PHF20L1: variants seen among roughly 807,000 people sequenced by gnomAD.
PHF20L1 encodes the protein PHD finger protein 20-like protein 1.
PHF20L1 carries 44 observed loss-of-function variants against 125.5 expected under a neutral mutation model. The ratio of observed to expected loss-of-function variants is 0.35; its 90% confidence interval spans 0.28 to 0.45. The LOEUF is 0.45. Ranked by LOEUF, PHF20L1 falls within the 20% of genes least tolerant of loss-of-function variation. The probability of loss-of-function intolerance (pLI) is 1.00; values close to 1 mark genes in which losing one functional copy is unlikely to be tolerated. For missense variants in PHF20L1, 1,012 were observed against 1,217.2 expected (o/e 0.83, Z 2.51); for synonymous variants, 380 against 403.1 (o/e 0.94, Z 0.69).
chr8:132,823,009 A>C (rs1302807431), intron 12 of PHF20L1, among the ~76,000 whole-genome samples: 1 of 152,010 alleles, frequency 6.6e-6, no homozygotes, highest in African/African-American at 2.4e-5. Context: ...GAATGGTTGA[A>C]TATGAATTGA....
In PHF20L1 at chr8:132,794,538, C is replaced by A. The variant is rs772721566; in HGVS notation, c.212C>A (p.Pro71Gln). The A allele has an allele frequency of 6.2e-7, 1 of 1,611,998 alleles. No individual in the cohort carries two copies. The highest frequency in any genetic ancestry group is 8.5e-7 in the Non-Finnish European group (1 of 1,178,596). Reference protein sequence around the residue: ...DSNRLRPLERPALRKEGLKDE... With the variant: ...DSNRLRPLERQALRKEGLKDE... Reference sequence around the variant, plus strand: ...AATAGATTGCGACCCCTTGAGAGACCAGCACTAAGAAAAGAAGGGCTAAAA... The same window carrying A: ...AATAGATTGCGACCCCTTGAGAGACAAGCACTAAGAAAAGAAGGGCTAAAA... Residue 71 changes from proline to glutamine, a missense_variant, in exon 3 of 21, where the codon CCA (proline) becomes CAA (glutamine). Transcript: ENST00000395386.
rs573369269 is a variant in PHF20L1, at chr8:132,847,625, A to T, written c.*1702A>T. 6.6e-6 allele frequency: 1 copy of T among 152,562 alleles called. No individual in the cohort carries two copies. The highest frequency in any genetic ancestry group is 1.5e-5 in the Non-Finnish European group (1 of 67,976). 9.5% of individuals were successfully genotyped at this position (152,562 alleles called of 1,614,324 possible). On this transcript the variant is annotated 3_prime_UTR_variant, in exon 21 of 21. Coordinates refer to ENST00000395386, the MANE Select transcript of PHF20L1 (RefSeq NM_016018.5). ...TGCCTTTTTGCGGCCTTATATTTTG[A>T]TGTAAAGATTAAAAGAATGTGCAAA...
chr8:132,824,156 C>CTTAGGTGTAAGTGATCATCTG (rs1206672049), intron 13 of PHF20L1, 96 bp downstream of exon 13: 3 of 717,194 alleles, frequency 4.2e-6, no homozygotes, highest in Non-Finnish European at 7.2e-6. Context: ...TTAATGCTAC[C>CTTAGGTGTAAGTGATCATCTG]TTAGGTGTAA....
chr8:132,844,421 C>A, intron 20 of PHF20L1, 103 bp downstream of exon 20: 1 of 810,546 alleles, frequency 1.2e-6, no homozygotes, highest in Non-Finnish European at 1.9e-6. Context: ...ACTGCAGATA[C>A]TCTCCATACC....
At chr8:132,833,411 C>T (rs1001149991) in intron 15 of PHF20L1, among the ~76,000 whole-genome samples, 8 of 152,020 alleles carry the variant, frequency 5.3e-5, no homozygotes, top group Non-Finnish European at 1.0e-4. Flanking sequence ...AAAGAAGTTA[C>T]CACCACCCTT....
intron 2 of PHF20L1, among the ~76,000 whole-genome samples, chr8:132,789,803 C>T (rs549269207): frequency 9.9e-5 from 15 of 152,184 alleles, no homozygotes; most frequent in African/African-American, 3.4e-4. Context: ...TGGTATATTG[C>T]AGTAATATTT....
intron 14 of PHF20L1, among the ~76,000 whole-genome samples, chr8:132,830,351 G>A (rs919622554): frequency 1.3e-4 from 20 of 152,014 alleles, no homozygotes; most frequent in African/African-American, 4.1e-4. Flanking sequence ...GAGGTCAGCC[G>A]ATTAGCAACC....
chr8:132,776,137 C>T (rs966897046), intron 1 of PHF20L1, among the ~76,000 whole-genome samples: 1 of 152,180 alleles, frequency 6.6e-6, no homozygotes, highest in African/African-American at 2.4e-5. Flanking sequence ...AAGTTTTACT[C>T]CCAGTAGACT....
At chr8:132,789,078 A>C (rs959416032) in intron 2 of PHF20L1, 2 of 152,202 alleles carry the variant, frequency 1.3e-5, no homozygotes, top group African/African-American at 4.8e-5. Context: ...TTCCCATTTT[A>C]GATTTCTGTA....
chr8:132,820,899 T>A (rs1261513398), intron 12 of PHF20L1, among the ~76,000 whole-genome samples: 4 of 151,950 alleles, frequency 2.6e-5, no homozygotes, highest in East Asian at 1.9e-4. Context: ...TGAGCCATTT[T>A]AAAAAGTTAT....
At chr8:132,820,827 CTTA>C (rs1328625673) in intron 12 of PHF20L1, among the ~76,000 whole-genome samples, 1 of 151,892 alleles carries the variant, frequency 6.6e-6, no homozygotes, top group Non-Finnish European at 1.5e-5. Context: ...GAGATGATAA[CTTA>C]TTGTTTGTAA....
intron 9 of PHF20L1, 105 bp downstream of exon 9, chr8:132,811,233 T>C: frequency 6.5e-7 from 1 of 1,531,498 alleles, no homozygotes; most frequent in East Asian, 2.4e-5. Flanking sequence ...GATATGGGAA[T>C]AGGAAGCTAA....
Position 132,842,727 on chromosome 8 carries a change from A to T in PHF20L1, c.2600A>T (p.Gln867Leu). ...AGTGAGCATAGCTATCAAAAGCCAC[A>T]AAGTTTTGGTCAGGACTGTAAATCT... ...ITSEHSYQKPQSFGQDCKSLA... is the reference protein window; with the variant it reads ...ITSEHSYQKPLSFGQDCKSLA... Residue 867 changes from glutamine (Q) to leucine (L), a missense_variant, in exon 19 of 21, where the codon CAA (glutamine) becomes CTA (leucine). Transcript: ENST00000395386. The T allele has an allele frequency of 6.2e-7, 1 of 1,613,446 alleles. No individual in the cohort carries two copies. Among genetic ancestry groups the T allele is most frequent in the Non-Finnish European group, 8.5e-7 (1 of 1,179,632 alleles).
intron 2 of PHF20L1, among the ~76,000 whole-genome samples, chr8:132,780,320 A>G (rs913670668): frequency 2.6e-5 from 4 of 152,136 alleles, no homozygotes; most frequent in African/African-American, 7.2e-5. Context: ...CATTTTATTT[A>G]TAAATAGGAT....
rs891707830 is a variant in PHF20L1, at chr8:132,842,445, T to G, written c.2388-70T>G. 2.9e-6 allele frequency: 4 copies of G among 1,381,986 alleles called. No homozygotes were observed. The African/African-American group carries it at 4.4e-5, about 15-fold the overall frequency. The allele number at this position is 1,381,986 out of a possible 1,614,324, so 85.6% of individuals were successfully genotyped here. A position where few individuals can be genotyped will look rare whatever the true frequency, so the allele number is the denominator to read the frequency against. On this transcript the variant is annotated intron_variant, in intron 18 of 20. Transcript: ENST00000395386. ...CCTCCTAACCTAATTCTGAAATAGA[T>G]CATTGTATTCAGCTTGTTAATAGAT... is the stretch of plus-strand genomic sequence containing the variant.
rs1258091703 is a variant in PHF20L1, at chr8:132,817,460, C to T, written c.1494C>T (p.Pro498=). 1 of 1,612,472 alleles carries T rather than the reference C, an allele frequency of 6.2e-7. No individual in the cohort carries two copies. The part of the protein sequence containing the change: ...ASDSSYRNEC[P]RAEKEDTQML... ...ATTCCTCTTACCGTAATGAATGTCC[C>T]AGGGCAGAAAAAGAGGATACACAGA... The change falls in exon 12 of 21, where the codon CCC becomes CCT. Residue 498 remains proline, a synonymous_variant. Coordinates refer to ENST00000395386, the MANE Select transcript of PHF20L1 (RefSeq NM_016018.5).
chr8:132,833,230 TCTGA>T (rs893906706), intron 15 of PHF20L1, among the ~76,000 whole-genome samples: 15 of 152,082 alleles, frequency 9.9e-5, no homozygotes, highest in African/African-American at 3.6e-4. Flanking sequence ...TTTTCTTTCT[TCTGA>T]CTGACCTCGA....
intron 2 of PHF20L1, among the ~76,000 whole-genome samples, chr8:132,787,740 A>C (rs987388387): frequency 4.6e-5 from 7 of 152,158 alleles, no homozygotes; most frequent in Admixed American, 1.3e-4. Context: ...AGTTATAATC[A>C]ATGGGTGAAT....
intron 13 of PHF20L1, 40 bp downstream of exon 13, chr8:132,824,100 G>T: frequency 7.8e-7 from 1 of 1,281,788 alleles, no homozygotes. Flanking sequence ...AGACTATAAA[G>T]CTTGACAGAG....
Sources: gnomAD v4.1 joint callset for allele counts (sites outside exome capture counted in the v4.1 genomes callset) on GRCh38, gnomAD v4.1.1 for gene constraint, MANE v1.5 for transcripts, NCBI Gene and HGNC (gene_info 2026-07-23, HGNC 2026-07-21) for gene names.